The following PHTF1 variants were observed in gnomAD, a reference collection of about 807,000 sequenced individuals.
PHTF1 encodes the protein protein PHTF1.
Under a neutral mutation model 102.4 loss-of-function variants are expected in PHTF1, and 88 were observed. The observed-to-expected ratio is 0.86, with a 90% confidence interval of 0.72 to 1.03. The LOEUF (loss-of-function observed/expected upper bound fraction) is 1.03, where lower values mean the gene tolerates loss of function less well. Among genes scored for constraint, PHTF1 ranks in the 50% least tolerant of loss-of-function variants. The pLI, the probability that PHTF1 is intolerant of heterozygous loss-of-function variation, is 0.00. For missense variants in PHTF1, 814 were observed against 909.5 expected, an observed-to-expected ratio of 0.89 and a Z score of 1.35; for synonymous variants, 289 against 305.2, an observed-to-expected ratio of 0.95 and a Z score of 0.55.
At chr1:113,755,590 G>A (rs1658734992) in intron 3 of PHTF1, among the ~76,000 whole-genome samples, 1 of 152,100 alleles carries the variant, frequency 6.6e-6, no homozygotes, top group Non-Finnish European at 1.5e-5. Context: ...GATGGATAGG[G>A]TTCAATTAAC....
intron 8 of PHTF1, among the ~76,000 whole-genome samples, chr1:113,712,673 C>G (rs1479063014): frequency 2.6e-5 from 4 of 152,176 alleles, no homozygotes; most frequent in Non-Finnish European, 5.9e-5. Flanking sequence ...AAATAATTTC[C>G]CAAACTCTTA....
At chr1:113,717,065 G>A (rs1652171669) in intron 7 of PHTF1, among the ~76,000 whole-genome samples, 1 of 152,074 alleles carries the variant, frequency 6.6e-6, no homozygotes, top group Admixed American at 6.6e-5. Flanking sequence ...AAAGCAAGGG[G>A]ACAGAGTGAA....
Position 113,712,108 on chromosome 1 carries a change from A to T in PHTF1, c.789T>A (p.Ala263=). The change falls in exon 9 of 19, where the codon GCT becomes GCA. Residue 263 remains alanine (A), a synonymous_variant. Coordinates refer to ENST00000369604, the MANE Select transcript of PHTF1 (RefSeq NM_001323043.2). Reference sequence around the variant, plus strand: ...ACACCCCATTACCCAAACGCCTAAAAGCCTCCTACAAAGAGAACAGCAATA... The same window carrying T: ...ACACCCCATTACCCAAACGCCTAAATGCCTCCTACAAAGAGAACAGCAATA... The part of the protein sequence containing the change: ...FSDGEKCRRE[A]FRRLGNGVSD... 1 of 1,613,754 alleles carries T rather than the reference A, an allele frequency of 6.2e-7. No homozygotes were observed. The highest frequency in any genetic ancestry group is 8.5e-7 in the Non-Finnish European group (1 of 1,179,756).
At chr1:113,726,607 T>C in intron 5 of PHTF1, 33 bp from the exon 6 acceptor site, 3 of 1,311,444 alleles carry the variant, frequency 2.3e-6, no homozygotes, top group South Asian at 1.4e-5. Flanking sequence ...TGTAAAACAT[T>C]AGAGCTCTTC....
chr1:113,730,250 C>G (rs950084886), intron 5 of PHTF1, among the ~76,000 whole-genome samples: 6 of 151,250 alleles, frequency 4.0e-5, no homozygotes, highest in Non-Finnish European at 8.9e-5. Context: ...AAAAAAAAAG[C>G]ATTGTATTAA....
At chr1:113,733,629 G>A (rs1489517960) in intron 5 of PHTF1, among the ~76,000 whole-genome samples, 1 of 152,102 alleles carries the variant, frequency 6.6e-6, no homozygotes, top group East Asian at 1.9e-4. Context: ...GAGCTCCTGT[G>A]GCCCTTCAGC....
intron 8 of PHTF1, 55 bp downstream of exon 8, chr1:113,713,224 T>C (rs939626153): frequency 8.8e-6 from 13 of 1,480,210 alleles, no homozygotes; most frequent in South Asian, 8.1e-5. Flanking sequence ...AGAATCTTAA[T>C]AGGAAAATGT....
chr1:113,707,228 C>T (rs1008820602), intron 11 of PHTF1, among the ~76,000 whole-genome samples: 3 of 152,066 alleles, frequency 2.0e-5, no homozygotes, highest in African/African-American at 7.2e-5. Flanking sequence ...ACTAAAAGGC[C>T]TTATAAATCA....
chr1:113,710,616 G>T, intron 10 of PHTF1, 141 bp from the exon 11 acceptor site: 6 of 643,062 alleles, frequency 9.3e-6, no homozygotes, highest in Non-Finnish European at 1.6e-5. Context: ...TTTTCACAGG[G>T]CTTCACGTAA....
At chr1:113,722,732 G>A (rs1653156667) in intron 7 of PHTF1, among the ~76,000 whole-genome samples, 1 of 150,146 alleles carries the variant, frequency 6.7e-6, no homozygotes, top group African/African-American at 2.4e-5. Flanking sequence ...GGCCAACATG[G>A]TGAAACCCCA....
At chr1:113,719,665 A>C (rs1428160296) in intron 7 of PHTF1, among the ~76,000 whole-genome samples, 1 of 152,160 alleles carries the variant, frequency 6.6e-6, no homozygotes, top group African/African-American at 2.4e-5. Context: ...GGAGGTTCCA[A>C]ACTTCCCACA....
Position 113,706,072 on chromosome 1 carries a change from A to G in PHTF1, c.1489T>C (p.Phe497Leu). The change falls in exon 13 of 19, where the codon TTC becomes CTC. Residue 497 changes from phenylalanine (F) to leucine (L), a missense_variant. Transcript: ENST00000369604. Reference sequence around the variant, plus strand: ...AGTTGGTCAAGGCTCTTCTCACGGAAAAGTCGATGTAAGAATGGAAAAAAT... The same window carrying G: ...AGTTGGTCAAGGCTCTTCTCACGGAGAAGTCGATGTAAGAATGGAAAAAAT... ...LAFFPFLHRL[F>L]REKSLDQLKS... 1 of 1,614,156 alleles carries G rather than the reference A, an allele frequency of 6.2e-7. No homozygotes were observed. Among genetic ancestry groups the G allele is most frequent in the Non-Finnish European group, 8.5e-7 (1 of 1,179,984 alleles).
chr1:113,709,613 A>C (rs1650746747), intron 11 of PHTF1, among the ~76,000 whole-genome samples: 1 of 152,232 alleles, frequency 6.6e-6, no homozygotes, highest in Non-Finnish European at 1.5e-5. Flanking sequence ...ATGGAGATAT[A>C]AATAATAATG....
chr1:113,699,730 A>G lies in PHTF1; in HGVS notation c.2116T>C (p.Leu706=). The G allele has an allele frequency of 6.8e-7, 1 of 1,460,868 alleles. No individual in the cohort carries two copies. Among genetic ancestry groups the G allele is most frequent in the Non-Finnish European group, 9.5e-7 (1 of 1,051,454 alleles). The allele number at this position is 1,460,868 out of a possible 1,614,324, so 90.5% of individuals were successfully genotyped here. The change falls in exon 17 of 19, where the codon TTA becomes CTA. Residue 706 remains leucine, a synonymous_variant. Transcript: ENST00000369604. The stretch of plus-strand genomic sequence containing the variant: ...TTCAACAACTTGGTGGACAGCTTTA[A>G]TACATTGTTTACTAGAGTAAGCTGT... ...KEQLTLVNNV[L]KLSTKLLKEL...
intron 3 of PHTF1, among the ~76,000 whole-genome samples, chr1:113,742,984 T>C (rs760690601): frequency 7.4e-4 from 113 of 151,942 alleles, no homozygotes; most frequent in Admixed American, 1.8e-3. Context: ...GTTGTTGTTG[T>C]TGTTGTTTTT....
chr1:113,757,449 C>T (rs1190548434), intron 3 of PHTF1, among the ~76,000 whole-genome samples: 2 of 152,176 alleles, frequency 1.3e-5, no homozygotes, highest in East Asian at 1.9e-4. Flanking sequence ...GCTAAGTAAC[C>T]CCAGCCCTAT....
intron 13 of PHTF1, 33 bp downstream of exon 13, chr1:113,705,857 C>T (rs1318226663): frequency 6.4e-7 from 1 of 1,569,122 alleles, no homozygotes; most frequent in South Asian, 1.2e-5. Context: ...TATACAAAAA[C>T]AGGTAAAAAA....
At chr1:113,757,549 TCTC>T (rs1659070195) in intron 3 of PHTF1, 147 bp downstream of exon 3, 2 of 618,130 alleles carry the variant, frequency 3.2e-6, no homozygotes. Flanking sequence ...AAGTGTCACT[TCTC>T]ATTATGCTTG....
At chr1:113,701,937 C>T (rs1431049443) in intron 15 of PHTF1, among the ~76,000 whole-genome samples, 1 of 145,582 alleles carries the variant, frequency 6.9e-6, no homozygotes, top group East Asian at 2.0e-4. Flanking sequence ...CAGACTGGCA[C>T]TAAAATAAAT....
Sources: gnomAD v4.1 joint callset for allele counts (sites outside exome capture counted in the v4.1 genomes callset) on GRCh38, gnomAD v4.1.1 for gene constraint, MANE v1.5 for transcripts, NCBI Gene and HGNC (gene_info 2026-07-23, HGNC 2026-07-21) for gene names.